Variants in ADAMTSL4 observed in about 807,000 individuals in gnomAD.
The protein encoded by ADAMTSL4 is ADAMTS-like protein 4.
Under a neutral mutation model 122.8 loss-of-function variants are expected in ADAMTSL4, and 97 were observed. The observed-to-expected ratio is 0.79, with a 90% CI of 0.67 to 0.93. ADAMTSL4 has a LOEUF of 0.93. Ranked by LOEUF, ADAMTSL4 falls within the 40% of genes least tolerant of loss-of-function variation. The pLI, the probability that ADAMTSL4 is intolerant of heterozygous loss-of-function variation, is 0.00. For synonymous variants in ADAMTSL4, 592 were observed against 568.0 expected, an observed-to-expected ratio of 1.04 and a Z score of -0.60; for missense variants, 1,408 against 1,453.5, an observed-to-expected ratio of 0.97 and a Z score of 0.51.
At chr1:150,558,185 G>A in intron 14 of ADAMTSL4, 36 bp downstream of exon 14, 1 of 1,612,494 alleles carries the variant, frequency 6.2e-7, no homozygotes, top group Non-Finnish European at 8.5e-7. Flanking sequence ...CTGGGGAGGG[G>A]AATGGGCACA....
chr1:150,559,404 G>T lies in ADAMTSL4; in HGVS notation c.2881G>T (p.Ala961Ser), dbSNP rs201420234. The T allele has an allele frequency of 1.4e-5, 22 of 1,613,532 alleles. No homozygotes were observed. The highest frequency in any genetic ancestry group is 1.7e-5 in the Admixed American group (1 of 60,024). Residue 961 changes from alanine (A) to serine (S), a missense_variant, in exon 17 of 19, where the codon GCC becomes TCC. Transcript: ENST00000271643. The surrounding 1 kb of genome is among the most constrained non-coding windows in gnomAD (Gnocchi z 4.1). Reference sequence around the variant, plus strand: ...CTGTTCTCACCTCCCCAGGCCCCCTGCCCTGCAGCCCTGTCAAGGGCAGGC... The same window carrying T: ...CTGTTCTCACCTCCCCAGGCCCCCTTCCCTGCAGCCCTGTCAAGGGCAGGC... ...SNCSHLPRPP[A>S]LQPCQGQACQ...
Position 150,556,239 on chromosome 1 carries a change from C to G in ADAMTSL4, c.1449C>G (p.Thr483=), listed in dbSNP as rs1672099151. 1 of 1,614,198 alleles carries G rather than the reference C, an allele frequency of 6.2e-7. No individual in the cohort carries two copies. ...GCGVCGGDDS[T]CRLVSGNLTD... ...GAGTCTGTGGGGGTGATGATTCTAC[C>G]TGTCGCCTTGTTTCGGGGAACCTCA... is the stretch of plus-strand genomic sequence containing the variant. The change falls in exon 9 of 19, where the codon ACC becomes ACG. Residue 483 remains threonine (T), a synonymous_variant. Transcript: ENST00000271643. The surrounding 1 kb of genome is among the most constrained non-coding windows in gnomAD (Gnocchi z 4.1).
In ADAMTSL4 at chr1:150,558,032, G is replaced by T. The variant is rs780658812; in HGVS notation, c.2265G>T (p.Gly755=). ...AGCTGCAGTGCCGGCAGGAATTTGG[G>T]GGGGGTGGCTCCTCGGTGCCCCCGG... The part of the protein sequence containing the change: ...HRQLQCRQEF[G]GGGSSVPPER... Residue 755 remains glycine, a synonymous_variant, in exon 14 of 19, where the codon GGG becomes GGT. Transcript: ENST00000271643. The T allele has an allele frequency of 6.2e-6, 10 of 1,612,740 alleles. No individual in the cohort carries two copies. Among genetic ancestry groups the T allele is most frequent in the East Asian group, 2.2e-5 (1 of 44,886 alleles).
chr1:150,555,676 A>G, intron 8 of ADAMTSL4, 111 bp downstream of exon 8: 1 of 1,485,220 alleles, frequency 6.7e-7, no homozygotes, highest in Non-Finnish European at 9.2e-7. Context: ...CACACATGCA[A>G]GCACATACAC....
Position 150,558,695 on chromosome 1 carries a change from GC to G in ADAMTSL4, c.2559+49del, listed in dbSNP as rs587665789. The G allele has an allele frequency of 4.1e-4, 669 of 1,613,458 alleles. 4 individuals carry two copies. In the African/African-American group the frequency reaches 7.7e-3, roughly 19 times the overall value. On this transcript the variant is annotated intron_variant, in intron 15 of 18. Coordinates refer to ENST00000271643, the MANE Select transcript of ADAMTSL4 (RefSeq NM_019032.6). ...CATATCCTGCATCCTGGGTAACCAC[GC>G]CCAGGACACCTCAGCCTTTCCAGCA...
chr1:150,557,855 G>A (rs1056281664), intron 13 of ADAMTSL4, 90 bp from the exon 14 acceptor site: 30 of 1,499,320 alleles, frequency 2.0e-5, no homozygotes, highest in Non-Finnish European at 2.3e-5. Context: ...AGGCCCCCAC[G>A]TCCAGTGTGT....
chr1:150,556,355 C>A lies in ADAMTSL4; in HGVS notation c.1565C>A (p.Ser522Tyr). 6.2e-7 allele frequency: 1 copy of A among 1,614,024 alleles called. No homozygotes were observed. Among genetic ancestry groups the A allele is most frequent in the Non-Finnish European group, 8.5e-7 (1 of 1,180,016 alleles). ...RLQIAQLRPSSNYLALRGPGG... is the reference protein window; with the variant it reads ...RLQIAQLRPSYNYLALRGPGG... Reference sequence around the variant, plus strand: ...CAGATTGCCCAGCTCCGGCCTAGCTCCAACTACCTGGGTGAGCACCCAGCT... The same window carrying A: ...CAGATTGCCCAGCTCCGGCCTAGCTACAACTACCTGGGTGAGCACCCAGCT... The change falls in exon 9 of 19, where the codon TCC (serine) becomes TAC (tyrosine). Residue 522 changes from serine (S) to tyrosine (Y), a missense_variant. Ser to Tyr is a moderately radical substitution (Grantham distance 144, BLOSUM62 -2). Transcript: ENST00000271643. This position sits in a 1 kb window ranked among gnomAD's most constrained non-coding sequence, Gnocchi z 4.1.
intron 2 of ADAMTSL4, chr1:150,550,517 C>G (rs768386583): frequency 8.1e-6 from 3 of 369,106 alleles, no homozygotes; most frequent in Non-Finnish European, 1.6e-5. Flanking sequence ...GAAGAGATCT[C>G]GGTGGCAGAG....
chr1:150,560,141 C>G lies in ADAMTSL4; in HGVS notation c.3170C>G (p.Thr1057Ser). 1 of 1,614,104 alleles carries G rather than the reference C, an allele frequency of 6.2e-7. No homozygotes were observed. The highest frequency in any genetic ancestry group is 8.5e-7 in the Non-Finnish European group (1 of 1,180,034). Residue 1057 changes from threonine (T) to serine (S), a missense_variant, in exon 19 of 19, where the codon ACC (threonine) becomes AGC (serine). By Grantham distance (58) the Thr-to-Ser change is moderately conservative (BLOSUM62 1). Transcript: ENST00000271643. The part of the protein sequence containing the change: ...RLCVYPYYTA[T>S]CCRSCAHVLE... ...TGCGTCTACCCCTACTACACAGCCACCTGTTGCCGCTCTTGCGCACATGTC... is the reference window on the plus strand; with the variant it reads ...TGCGTCTACCCCTACTACACAGCCAGCTGTTGCCGCTCTTGCGCACATGTC...
At position 150,553,423 on chromosome 1, in the gene ADAMTSL4, C is replaced by G; in HGVS notation, c.435-3C>G. On this transcript the variant is annotated splice_region_variant and splice_polypyrimidine_tract_variant and intron_variant, in intron 5 of 18. Transcript: ENST00000271643. ...TGCCCCCACATCTGAAACACCTTCT[C>G]AGGTCCCGGCTTCGAGACCCCATCA... The G allele has an allele frequency of 6.2e-7, 1 of 1,613,832 alleles. No individual in the cohort carries two copies. The highest frequency in any genetic ancestry group is 8.5e-7 in the Non-Finnish European group (1 of 1,179,908).
rs767138992 is a variant in ADAMTSL4 at position 150,559,403 on chromosome 1, T to C, written c.2880T>C (p.Pro960=). 2 of 1,613,624 alleles carry C rather than the reference T, an allele frequency of 1.2e-6. No homozygotes were observed. Among genetic ancestry groups the C allele is most frequent in the Non-Finnish European group, 1.7e-6 (2 of 1,179,972 alleles). ...ACTGTTCTCACCTCCCCAGGCCCCC[T>C]GCCCTGCAGCCCTGTCAAGGGCAGG... The part of the protein sequence containing the change: ...PSNCSHLPRP[P]ALQPCQGQAC... Residue 960 remains proline (P), a synonymous_variant, in exon 17 of 19, where the codon CCT becomes CCC. Transcript: ENST00000271643. The surrounding 1 kb of genome is among the most constrained non-coding windows in gnomAD (Gnocchi z 4.1).
In ADAMTSL4 at chr1:150,552,278, G is replaced by A. The variant is rs1037748249; in HGVS notation, c.-11G>A. ...GCTCCTGCCTCCCCCTGGGGCAGTA[G>A]AGGGGGAGCGATGGAGAACTGGACT... On this transcript the variant is annotated 5_prime_UTR_variant, in exon 3 of 19. Coordinates refer to ENST00000271643, the MANE Select transcript of ADAMTSL4 (RefSeq NM_019032.6). This position sits in a 1 kb window ranked among gnomAD's most constrained non-coding sequence, Gnocchi z 4.0. The A allele has an allele frequency of 4.2e-5, 66 of 1,553,358 alleles. No individual in the cohort carries two copies. The highest frequency in any genetic ancestry group is 5.7e-5 in the Non-Finnish European group (65 of 1,147,656).
chr1:150,559,371 C>T lies in ADAMTSL4; in HGVS notation c.2848C>T (p.Pro950Ser), dbSNP rs1237642624. The T allele has an allele frequency of 6.2e-6, 10 of 1,613,788 alleles. No homozygotes were observed. The highest frequency in any genetic ancestry group is 8.5e-6 in the Non-Finnish European group (10 of 1,180,016). Residue 950 changes from proline to serine, a missense_variant, in exon 17 of 19, where the codon CCG (proline) becomes TCG (serine). Pro to Ser is a moderately conservative substitution (Grantham distance 74). Transcript: ENST00000271643. The surrounding 1 kb of genome is among the most constrained non-coding windows in gnomAD (Gnocchi z 4.1). ...GGGGACGGAGTTCAACGTGACTTCT[C>T]CGAGCAACTGTTCTCACCTCCCCAG... The part of the protein sequence containing the change: ...KLGTEFNVTS[P>S]SNCSHLPRPP...
intron 2 of ADAMTSL4, chr1:150,551,117 T>C (rs1671366776): frequency 2.4e-6 from 1 of 411,192 alleles, no homozygotes; most frequent in Non-Finnish European, 4.9e-6. Flanking sequence ...CAAGCCTCAC[T>C]TCTCCAGTGT....
At position 150,559,759 on chromosome 1, in the gene ADAMTSL4, A is replaced by G; in HGVS notation, c.2944-2A>G. ...CTGATATGATGGCTGGGGTCGCCCCAGTGTTCTCGCTCCTGCCAAGGGGGA... is the reference window on the plus strand; with the variant it reads ...CTGATATGATGGCTGGGGTCGCCCCGGTGTTCTCGCTCCTGCCAAGGGGGA... On this transcript the variant is annotated splice_acceptor_variant, in intron 17 of 18. Coordinates refer to ENST00000271643, the MANE Select transcript of ADAMTSL4 (RefSeq NM_019032.6). LOFTEE classifies it high-confidence loss of function. This position sits in a 1 kb window ranked among gnomAD's most constrained non-coding sequence, Gnocchi z 4.1. 6.2e-7 allele frequency: 1 copy of G among 1,613,816 alleles called. No individual in the cohort carries two copies. Among genetic ancestry groups the G allele is most frequent in the Non-Finnish European group, 8.5e-7 (1 of 1,179,972 alleles).
chr1:150,558,814 G>C (rs776567939), intron 15 of ADAMTSL4, 148 bp from the exon 16 acceptor site: 26 of 1,541,472 alleles, frequency 1.7e-5, no homozygotes, highest in Non-Finnish European at 2.3e-5. Context: ...GAGGGGCCCG[G>C]CTAGGATTCC....
In ADAMTSL4 at chr1:150,552,515, C is replaced by T. The variant is rs757067840; in HGVS notation, c.21-28C>T. ...AACACCCCCTCTGGCTCCAGTCTGA[C>T]GTCCCTCCCCTGGCCTTTGGTTTGC... is the stretch of plus-strand genomic sequence containing the variant. On this transcript the variant is annotated intron_variant, in intron 3 of 18. Coordinates refer to ENST00000271643, the MANE Select transcript of ADAMTSL4 (RefSeq NM_019032.6). This position sits in a 1 kb window ranked among gnomAD's most constrained non-coding sequence, Gnocchi z 4.0. The T allele has an allele frequency of 9.9e-6, 16 of 1,613,706 alleles. No homozygotes were observed. The highest frequency in any genetic ancestry group is 1.6e-4 in the Middle Eastern group (1 of 6,082).
In ADAMTSL4 at chr1:150,554,929, T is replaced by C. The variant is rs587697072; in HGVS notation, c.1234+462T>C. 6.6e-6 allele frequency among the ~76,000 whole-genome samples: 1 copy of C among 151,592 alleles called. No individual in the cohort carries two copies. Among genetic ancestry groups the C allele is most frequent in the African/African-American group, 2.4e-5 (1 of 41,304 alleles). The stretch of plus-strand genomic sequence containing the variant: ...ACACAGAATCATGGGCATCAGGGAT[T>C]GCTCCTCTCTCAGTTCAGAGTCCCC... On this transcript the variant is annotated intron_variant, in intron 7 of 18. Transcript: ENST00000271643. The surrounding 1 kb of genome is among the most constrained non-coding windows in gnomAD (Gnocchi z 4.0).
In ADAMTSL4 at chr1:150,554,637, G is replaced by A. The variant is rs779474970; in HGVS notation, c.1234+170G>A. 5 of 1,542,076 alleles carry A rather than the reference G, an allele frequency of 3.2e-6. No individual in the cohort carries two copies. The African/African-American group carries it at 6.8e-5, about 21-fold the overall frequency. On this transcript the variant is annotated intron_variant, in intron 7 of 18. Transcript: ENST00000271643. The surrounding 1 kb of genome is among the most constrained non-coding windows in gnomAD (Gnocchi z 4.0). Reference sequence around the variant, plus strand: ...TGGGTCAGGAGACAGCACAGGTGGTGAGTGGTCTGCAGAAGGGTCGGGGTG... The same window carrying A: ...TGGGTCAGGAGACAGCACAGGTGGTAAGTGGTCTGCAGAAGGGTCGGGGTG...
Sources: allele counts gnomAD v4.1 joint callset (sites outside exome capture counted in the v4.1 genomes callset), GRCh38; gene constraint gnomAD v4.1.1; non-coding constraint Gnocchi (gnomAD v3.1); transcripts MANE v1.5; gene names NCBI Gene and HGNC (gene_info 2026-07-23, HGNC 2026-07-21).